The following CDC42BPA variants were observed in gnomAD, a reference collection of about 807,000 sequenced individuals.
CDC42BPA encodes the protein CDC42 binding protein kinase alpha.
In CDC42BPA, 80 loss-of-function variants were observed where a neutral mutation model predicts 223.5. That is an observed-to-expected ratio of 0.36 (90% CI 0.30 to 0.43). The LOEUF is 0.43. Among genes scored for constraint, CDC42BPA ranks in the 20% least tolerant of loss-of-function variants. The probability of loss-of-function intolerance (pLI) is 1.00; values close to 1 mark genes in which losing one functional copy is unlikely to be tolerated. For synonymous variants in CDC42BPA, 694 were observed against 718.6 expected, an observed-to-expected ratio of 0.97 and a Z score of 0.55; for missense variants, 1,743 against 2,099.9, an observed-to-expected ratio of 0.83 and a Z score of 3.32.
At chr1:227,132,245 T>A (rs1429105287) in intron 10 of CDC42BPA, among the ~76,000 whole-genome samples, 2 of 152,138 alleles carry the variant, frequency 1.3e-5, no homozygotes, top group African/African-American at 4.8e-5. Flanking sequence ...CCCTGCCTGA[T>A]TCTCCTGCCT....
intron 2 of CDC42BPA, among the ~76,000 whole-genome samples, chr1:227,252,269 TAA>T (rs369754717): frequency 3.5e-4 from 53 of 151,448 alleles, no homozygotes; most frequent in African/African-American, 1.3e-3. Context: ...GCAAGAAAAA[TAA>T]AAAGAGAGAG....
chr1:227,314,207 T>C (rs1693992529), intron 1 of CDC42BPA, among the ~76,000 whole-genome samples: 1 of 152,032 alleles, frequency 6.6e-6, no homozygotes. Context: ...TATTACTGTA[T>C]ACACAAACAT....
At chr1:227,190,273 A>T (rs1048383019) in intron 5 of CDC42BPA, among the ~76,000 whole-genome samples, 4 of 152,162 alleles carry the variant, frequency 2.6e-5, no homozygotes, top group Non-Finnish European at 5.9e-5. Flanking sequence ...AAATCTGGAG[A>T]CAAGCCTGAC....
At chr1:227,231,109 A>G (rs1677846210) in intron 2 of CDC42BPA, among the ~76,000 whole-genome samples, 2 of 148,682 alleles carry the variant, frequency 1.3e-5, no homozygotes. Context: ...TACATTAGGT[A>G]TATCTCCTAA....
At chr1:227,168,934 C>T (rs2102631) in intron 5 of CDC42BPA, among the ~76,000 whole-genome samples, 104,040 of 151,934 alleles carry the variant, frequency 0.68, 35,828 homozygotes, top group South Asian at 0.73. Flanking sequence ...TACATAAAAC[C>T]TTGTGATATT....
intron 12 of CDC42BPA, among the ~76,000 whole-genome samples, chr1:227,116,120 T>C (rs970831568): frequency 6.6e-6 from 1 of 152,168 alleles, no homozygotes; most frequent in Non-Finnish European, 1.5e-5. Context: ...GTGATGGAGA[T>C]TAAATAATTT....
intron 15 of CDC42BPA, among the ~76,000 whole-genome samples, chr1:227,095,049 T>C (rs1011479042): frequency 6.6e-6 from 1 of 152,244 alleles, no homozygotes; most frequent in Non-Finnish European, 1.5e-5. Flanking sequence ...TGGAACTGCA[T>C]TGCCTGATTT....
chr1:227,025,526 T>C (rs1359092069), intron 31 of CDC42BPA, among the ~76,000 whole-genome samples: 1 of 152,198 alleles, frequency 6.6e-6, no homozygotes, highest in Non-Finnish European at 1.5e-5. Flanking sequence ...AGCAGTTCTA[T>C]AATTGTAAAA....
In CDC42BPA at chr1:227,112,861, T is replaced by A; in HGVS notation, c.1700A>T (p.Asp567Val). 6.2e-7 allele frequency: 1 copy of A among 1,614,042 alleles called. No individual in the cohort carries two copies. Among genetic ancestry groups the A allele is most frequent in the Non-Finnish European group, 8.5e-7 (1 of 1,179,938 alleles). The part of the protein sequence containing the change: ...RLKNQSKELK[D>V]AHCQRKLAMQ... ...GGCCAGTTTCCTCTGACAGTGTGCG[T>A]CTTTCAGCTCTTTGGATTGGTTTTT... Residue 567 changes from aspartate (D) to valine (V), a missense_variant, in exon 13 of 37, where the codon GAC becomes GTC. Around this residue, in one of 6 missense-constraint regions of CDC42BPA, gnomAD observed 464 missense variants for 488.0 expected, o/e 0.95. Coordinates refer to ENST00000366766, the MANE Select transcript of CDC42BPA (RefSeq NM_001394014.1).
At chr1:227,264,021 C>T (rs1418901824) in intron 1 of CDC42BPA, among the ~76,000 whole-genome samples, 4 of 152,144 alleles carry the variant, frequency 2.6e-5, no homozygotes, top group Non-Finnish European at 5.9e-5. Flanking sequence ...AACTTCTATT[C>T]TTTGGTCAGT....
intron 2 of CDC42BPA, among the ~76,000 whole-genome samples, chr1:227,250,380 C>T (rs1373619966): frequency 2.0e-5 from 3 of 151,856 alleles, no homozygotes; most frequent in African/African-American, 4.8e-5. Flanking sequence ...CCCAGCTACT[C>T]GGGAAGCTGA....
chr1:227,258,542 G>A (rs1157159329), intron 1 of CDC42BPA, among the ~76,000 whole-genome samples: 3 of 150,676 alleles, frequency 2.0e-5, no homozygotes, highest in Non-Finnish European at 4.4e-5. Context: ...CAAAGCTAAG[G>A]GTTATACAAA....
intron 32 of CDC42BPA, among the ~76,000 whole-genome samples, chr1:227,018,110 C>A (rs1451898016): frequency 6.6e-6 from 1 of 151,300 alleles, no homozygotes; most frequent in Non-Finnish European, 1.5e-5. Flanking sequence ...GTAGTGGCAC[C>A]ATGATAGCTC....
rs369331767 is a variant in CDC42BPA, at chr1:227,252,519, C to CAAA, written c.270+1544_270+1545insTTT. On this transcript the variant is annotated intron_variant, in intron 2 of 36. Transcript: ENST00000366766. ...TTCTGGAGAATACTAAAGGAGGGAA[C>CAAA]ATTTCCCTCTTCTTGTAAGACCAGT... 1.5e-3 allele frequency among the ~76,000 whole-genome samples: 229 copies of CAAA among 152,202 alleles called. 2 individuals carry two copies. Among genetic ancestry groups the CAAA allele is most frequent in the African/African-American group, 5.3e-3 (220 of 41,540 alleles).
At chr1:227,052,351 C>T (rs759989903) in intron 21 of CDC42BPA, among the ~76,000 whole-genome samples, 7 of 152,162 alleles carry the variant, frequency 4.6e-5, no homozygotes, top group East Asian at 1.9e-4. Context: ...GAGATACATA[C>T]GGCAGATTAA....
intron 5 of CDC42BPA, among the ~76,000 whole-genome samples, chr1:227,175,632 ATTTC>A (rs1397509105): frequency 7.2e-5 from 11 of 152,018 alleles, no homozygotes; most frequent in African/African-American, 2.7e-4. Context: ...ATGAGTTTCT[ATTTC>A]TTTCTATTAT....
intron 6 of CDC42BPA, among the ~76,000 whole-genome samples, chr1:227,151,234 A>AT (rs918725774): frequency 6.6e-6 from 1 of 152,206 alleles, no homozygotes; most frequent in Non-Finnish European, 1.5e-5. Context: ...GTTATCTCAC[A>AT]TAAGTGGAAT....
intron 16 of CDC42BPA, 139 bp from the exon 17 acceptor site, chr1:227,081,156 G>T: frequency 1.3e-6 from 1 of 752,778 alleles, no homozygotes; most frequent in Non-Finnish European, 2.1e-6. Context: ...TTTGCTCACT[G>T]AATTTGGATA....
chr1:227,089,239 C>T (rs1682586844), intron 16 of CDC42BPA, among the ~76,000 whole-genome samples: 1 of 152,166 alleles, frequency 6.6e-6, no homozygotes, highest in South Asian at 2.1e-4. Flanking sequence ...CAAGCTGGTT[C>T]CCAATGGAAC....
Sources: allele counts gnomAD v4.1 joint callset (sites outside exome capture counted in the v4.1 genomes callset), GRCh38; gene constraint gnomAD v4.1.1; regional missense constraint gnomAD v4.1.1; transcripts MANE v1.5; gene names NCBI Gene and HGNC (gene_info 2026-07-23, HGNC 2026-07-21).